EP300: variants seen among roughly 807,000 people sequenced by gnomAD.
EP300 encodes the protein EP300 lysine acetyltransferase.
Under a neutral mutation model 264.0 loss-of-function variants are expected in EP300, and 31 were observed. The observed-to-expected ratio is 0.12, with a 90% confidence interval of 0.09 to 0.16. The LOEUF is 0.16. Among genes scored for constraint, EP300 ranks in the 10% least tolerant of loss-of-function variants. EP300 has a pLI of 1.00. For missense variants in EP300, 2,766 were observed against 3,052.9 expected (o/e 0.91, Z 2.21); for synonymous variants, 1,340 against 1,045.4 (o/e 1.28, Z -5.44).
intron 1 of EP300, among the ~76,000 whole-genome samples, chr22:41,106,731 C>G (rs2058760021): frequency 6.6e-6 from 1 of 151,420 alleles, no homozygotes; most frequent in Non-Finnish European, 1.5e-5. Flanking sequence ...CCTCCCACCT[C>G]AGCCTGTAGC....
chr22:41,169,515 A>C lies in EP300; in HGVS notation c.4185A>C (p.Ile1395=), dbSNP rs937597399. The C allele has an allele frequency of 1.9e-6, 3 of 1,605,868 alleles. No individual in the cohort carries two copies. The highest frequency in any genetic ancestry group is 2.6e-6 in the Non-Finnish European group (3 of 1,174,824). The change falls in exon 26 of 31, where the codon ATA becomes ATC. Residue 1395 remains isoleucine (I), a synonymous_variant. Transcript: ENST00000263253. ...CPPPNQRRVY[I]SYLDSVHFFR... is the part of the protein sequence containing the mutation. ...TCATTTTGTATAGGAGAGTATACAT[A>C]TCTTACCTCGATAGTGTTCATTTCT...
intron 21 of EP300, 29 bp downstream of exon 21, chr22:41,162,808 A>G: frequency 6.3e-7 from 1 of 1,591,018 alleles, no homozygotes; most frequent in Middle Eastern, 1.7e-4. Flanking sequence ...AATAGTCAGT[A>G]CGCTTTGGCT....
In EP300 at chr22:41,165,590, A is replaced by AT. The variant is rs1291662575; in HGVS notation, c.3807-1004dup. 3.3e-5 allele frequency among the ~76,000 whole-genome samples: 5 copies of AT among 151,570 alleles called. No individual in the cohort carries two copies. In the South Asian group the frequency reaches 6.2e-4, roughly 19 times the overall value. Reference sequence around the variant, plus strand: ...AGGTGTGTGCCACCATGCCCGGCTAATTTTTGTATTTTGGTAGAGACAGGG... The same window carrying AT: ...AGGTGTGTGCCACCATGCCCGGCTAATTTTTTGTATTTTGGTAGAGACAGGG... On this transcript the variant is annotated intron_variant, in intron 22 of 30. Transcript: ENST00000263253.
In EP300 at chr22:41,151,989, A is replaced by G. The variant is rs775729787; in HGVS notation, c.2974A>G (p.Thr992Ala). 1.5e-5 allele frequency: 25 copies of G among 1,614,058 alleles called. No individual in the cohort carries two copies. Among genetic ancestry groups the G allele is most frequent in the Non-Finnish European group, 7.6e-6 (9 of 1,180,044 alleles). ...AGTGGATCAACCAGAACCAGCAGATACTCAGCCGGAGGATATTTCAGAGGT... is the reference window on the plus strand; with the variant it reads ...AGTGGATCAACCAGAACCAGCAGATGCTCAGCCGGAGGATATTTCAGAGGT... Reference protein sequence around the residue: ...MEVDQPEPADTQPEDISESKV... With the variant: ...MEVDQPEPADAQPEDISESKV... Residue 992 changes from threonine (T) to alanine (A), a missense_variant, in exon 15 of 31, where the codon ACT (threonine) becomes GCT (alanine). By Grantham distance (58) the Thr-to-Ala change is moderately conservative. Coordinates refer to ENST00000263253, the MANE Select transcript of EP300 (RefSeq NM_001429.4).
At position 41,139,395 on chromosome 22, in the gene EP300, C is replaced by G. The variant is rs1020892643; in HGVS notation, c.1761-745C>G. Among the ~76,000 whole-genome samples, 4 of 152,298 alleles carry G rather than the reference C, an allele frequency of 2.6e-5. No individual in the cohort carries two copies. In the East Asian group the frequency reaches 7.7e-4, roughly 29 times the overall value. On this transcript the variant is annotated intron_variant, in intron 8 of 30. Transcript: ENST00000263253. ...TATTCAGGAACTTTTATTTAATGGA[C>G]AGAGATGATTATTTGGGGTTGATCA...
intron 1 of EP300, among the ~76,000 whole-genome samples, chr22:41,107,422 TA>T (rs35343837): frequency 0.61 from 89,556 of 147,414 alleles, 27,260 homozygotes; most frequent in East Asian, 0.8. Flanking sequence ...GCCTTTTAAG[TA>T]AAAAAAAAAA....
intron 10 of EP300, among the ~76,000 whole-genome samples, chr22:41,144,798 G>A (rs1003059260): frequency 1.8e-4 from 27 of 152,088 alleles, no homozygotes; most frequent in African/African-American, 6.0e-4. Context: ...GTGGGCAGTA[G>A]GATTGCGGTT....
At chr22:41,124,905 ATTG>A (rs1318045981) in intron 2 of EP300, among the ~76,000 whole-genome samples, 2 of 152,014 alleles carry the variant, frequency 1.3e-5, no homozygotes, top group African/African-American at 4.8e-5. Flanking sequence ...TTGAAAATGT[ATTG>A]TTGTTAGCAT....
At chr22:41,133,772 ACT>A (rs1276053328) in intron 6 of EP300, among the ~76,000 whole-genome samples, 1 of 151,720 alleles carries the variant, frequency 6.6e-6, no homozygotes, top group East Asian at 1.9e-4. Flanking sequence ...GTTTTTCTTT[ACT>A]ATATAATAAC....
At chr22:41,130,230 G>A (rs1483055503) in intron 5 of EP300, among the ~76,000 whole-genome samples, 2 of 148,732 alleles carry the variant, frequency 1.3e-5, no homozygotes, top group African/African-American at 5.0e-5. Context: ...CAGCCTGAGT[G>A]ATGGAGTGAG....
Position 41,164,208 on chromosome 22 carries a change from G to T in EP300, c.3806+78G>T. On this transcript the variant is annotated intron_variant, in intron 22 of 30. Coordinates refer to ENST00000263253, the MANE Select transcript of EP300 (RefSeq NM_001429.4). ...AACAAGTTTTTTATTCTATGCAATTGACTGTATTATATCTTCAAAGTTACT... is the reference window on the plus strand; with the variant it reads ...AACAAGTTTTTTATTCTATGCAATTTACTGTATTATATCTTCAAAGTTACT... 3 of 1,256,208 alleles carry T rather than the reference G, an allele frequency of 2.4e-6. No homozygotes were observed. In the South Asian group the frequency reaches 3.6e-5, roughly 15 times the overall value. 77.8% of individuals were successfully genotyped at this position (1,256,208 alleles called of 1,614,324 possible).
At chr22:41,132,416 T>C (rs2058925809) in intron 6 of EP300, among the ~76,000 whole-genome samples, 1 of 150,112 alleles carries the variant, frequency 6.7e-6, no homozygotes, top group African/African-American at 2.4e-5. Flanking sequence ...GCCTCCTGAG[T>C]AGCTGGGACT....
At chr22:41,125,130 T>A (rs1175348720) in intron 2 of EP300, among the ~76,000 whole-genome samples, 1 of 144,010 alleles carries the variant, frequency 6.9e-6, no homozygotes, top group African/African-American at 2.6e-5. Context: ...TTTTTTTTTT[T>A]TTTTTTGAGA....
chr22:41,104,997 T>C (rs904406831), intron 1 of EP300, among the ~76,000 whole-genome samples: 23 of 152,016 alleles, frequency 1.5e-4, no homozygotes, highest in African/African-American at 5.5e-4. Context: ...ACCCCGTCTC[T>C]ACTAAAAATA....
intron 1 of EP300, among the ~76,000 whole-genome samples, chr22:41,110,199 C>T (rs919492703): frequency 1.5e-5 from 2 of 134,738 alleles, no homozygotes; most frequent in African/African-American, 2.8e-5. Flanking sequence ...AGGATCATAG[C>T]GCACTGCAGC....
chr22:41,120,245 G>A, intron 2 of EP300, among the ~76,000 whole-genome samples: 1 of 152,034 alleles, frequency 6.6e-6, no homozygotes, highest in African/African-American at 2.4e-5. Context: ...AACCACTTAA[G>A]GCTGGATGCA....
chr22:41,158,072 A>G (rs767166177), intron 18 of EP300, among the ~76,000 whole-genome samples: 13 of 152,250 alleles, frequency 8.5e-5, no homozygotes, highest in African/African-American at 1.2e-4. Flanking sequence ...AAATAAGACT[A>G]TGGTCTTGCT....
At position 41,154,980 on chromosome 22, in the gene EP300, CTT is replaced by C. The variant is rs757931697; in HGVS notation, c.3143-5_3143-4del. 8.4e-6 allele frequency: 10 copies of C among 1,194,326 alleles called. No individual in the cohort carries two copies. Among genetic ancestry groups the C allele is most frequent in the African/African-American group, 1.5e-5 (1 of 64,566 alleles). 74.0% of individuals were successfully genotyped at this position (1,194,326 alleles called of 1,614,324 possible). A position where few individuals can be genotyped will look rare whatever the true frequency, so the allele number is the denominator to read the frequency against. On this transcript the variant is annotated splice_polypyrimidine_tract_variant and intron_variant, in intron 16 of 30. Transcript: ENST00000263253. ...TAATTGGTAACTAATTTCAAATGCA[CTT>C]TTTTTTTTTAAGTTTTCAAACCAGA...
At chr22:41,108,251 T>TTTTC (rs1569085585) in intron 1 of EP300, among the ~76,000 whole-genome samples, 4 of 144,594 alleles carry the variant, frequency 2.8e-5, no homozygotes, top group African/African-American at 7.7e-5. Context: ...TTTCTTTTTT[T>TTTTC]TTTTTTTTTT....
Sources: gnomAD v4.1 joint callset for allele counts (sites outside exome capture counted in the v4.1 genomes callset) on GRCh38, gnomAD v4.1.1 for gene constraint, MANE v1.5 for transcripts, NCBI Gene and HGNC (gene_info 2026-07-23, HGNC 2026-07-21) for gene names.